The following DYTN variants were observed in gnomAD, a reference collection of about 807,000 sequenced individuals.
DYTN encodes dystrotelin.
In DYTN, 75 loss-of-function variants were observed where a neutral mutation model predicts 69.6. The ratio of observed to expected loss-of-function variants is 1.08; its 90% CI spans 0.89 to 1.31. DYTN has a LOEUF of 1.31. Among genes scored for constraint, DYTN ranks in the 50% most tolerant of loss-of-function variants. The pLI, the probability that DYTN is intolerant of heterozygous loss-of-function variation, is 0.00. For missense variants in DYTN, 726 were observed against 688.4 expected, an observed-to-expected ratio of 1.05 and a Z score of -0.61; for synonymous variants, 252 against 249.1, an observed-to-expected ratio of 1.01 and a Z score of -0.11.
intron 9 of DYTN, among the ~76,000 whole-genome samples, chr2:206,690,853 T>C (rs762471224): frequency 3.3e-5 from 5 of 152,148 alleles, no homozygotes; most frequent in Non-Finnish European, 4.4e-5. Flanking sequence ...CTTAGTCATA[T>C]GTGAGGCAGA....
chr2:206,652,028 C>G (rs184245912), intron 11 of DYTN, 107 bp from the exon 12 acceptor site: 1 of 1,041,752 alleles, frequency 9.6e-7, no homozygotes, highest in East Asian at 2.6e-5. Context: ...CATTTTTCTT[C>G]AGTTCTCAAG....
At chr2:206,655,896 G>A (rs1225879902) in intron 11 of DYTN, among the ~76,000 whole-genome samples, 1 of 152,136 alleles carries the variant, frequency 6.6e-6, no homozygotes, top group Non-Finnish European at 1.5e-5. Context: ...CTTGTTTTGT[G>A]CATTAACATA....
intron 2 of DYTN, among the ~76,000 whole-genome samples, chr2:206,708,790 C>A (rs1192508980): frequency 6.6e-6 from 1 of 152,164 alleles, no homozygotes; most frequent in Admixed American, 6.5e-5. Flanking sequence ...GTTTGGATAT[C>A]TTTTCTAGGT....
intron 9 of DYTN, among the ~76,000 whole-genome samples, chr2:206,690,055 T>C (rs1699848725): frequency 6.6e-6 from 1 of 151,790 alleles, no homozygotes. Context: ...TGTCAGAGGG[T>C]GATTAAGTGC....
At chr2:206,711,951 T>C (rs1214323526) in intron 1 of DYTN, among the ~76,000 whole-genome samples, 4 of 152,204 alleles carry the variant, frequency 2.6e-5, no homozygotes, top group Non-Finnish European at 5.9e-5. Flanking sequence ...TCTTCATATC[T>C]AGAAAAAATA....
rs1012924844 is a variant in DYTN, at chr2:206,707,317, G to A, written c.281C>T (p.Thr94Met). ...ACACCCTCACCTGTTGTACATTGTC[G>A]TGAGAAGGCTCAGAGTGAGTTCCGG... ...RAPELTLSLL[T>M]TMYNSKGTGF... Residue 94 changes from threonine (T) to methionine (M), a missense_variant, in exon 3 of 12, where the codon ACG becomes ATG. By Grantham distance (81) the Thr-to-Met change is moderately conservative (BLOSUM62 -1). Transcript: ENST00000452335. 2 of 1,611,918 alleles carry A rather than the reference G, an allele frequency of 1.2e-6. No homozygotes were observed. The highest frequency in any genetic ancestry group is 1.7e-6 in the Non-Finnish European group (2 of 1,179,226).
chr2:206,682,911 G>A (rs1699765990), intron 9 of DYTN, among the ~76,000 whole-genome samples: 1 of 152,008 alleles, frequency 6.6e-6, no homozygotes, highest in Admixed American at 6.6e-5. Flanking sequence ...TAGACACATA[G>A]ATCTAAGGAT....
At chr2:206,705,972 T>C (rs1229715516) in intron 3 of DYTN, 99 bp from the exon 4 acceptor site, 1 of 1,353,530 alleles carries the variant, frequency 7.4e-7, no homozygotes, top group Admixed American at 2.1e-5. Context: ...GCATTTCTGA[T>C]ATGGTGCTAT....
At chr2:206,705,259 G>A (rs1340999516) in intron 4 of DYTN, among the ~76,000 whole-genome samples, 1 of 152,154 alleles carries the variant, frequency 6.6e-6, no homozygotes, top group South Asian at 2.1e-4. Context: ...ACCACACCCG[G>A]CTAATTTTTT....
chr2:206,654,882 C>A (rs1326527365), intron 11 of DYTN, among the ~76,000 whole-genome samples: 4 of 152,170 alleles, frequency 2.6e-5, no homozygotes, highest in African/African-American at 9.7e-5. Flanking sequence ...CCACCCTTAA[C>A]CATGCTCTCG....
In DYTN at chr2:206,693,229, T is replaced by C. The variant is rs201676491; in HGVS notation, c.926A>G (p.Gln309Arg). Residue 309 changes from glutamine (Q) to arginine (R), a missense_variant, in exon 9 of 12, where the codon CAG (glutamine) becomes CGG (arginine). Gln to Arg is a conservative substitution (Grantham distance 43). Transcript: ENST00000452335. ...RCRKKEAARRQQLLDQVNPKG... is the reference protein window; with the variant it reads ...RCRKKEAARRRQLLDQVNPKG... Reference sequence around the variant, plus strand: ...TGGATTCACCTGGTCCAGCAGCTGCTGCCTTCTCGCTGCTTCTTTCTTCCT... The same window carrying C: ...TGGATTCACCTGGTCCAGCAGCTGCCGCCTTCTCGCTGCTTCTTTCTTCCT... 6.2e-7 allele frequency: 1 copy of C among 1,613,630 alleles called. No individual in the cohort carries two copies.
chr2:206,668,197 C>A (rs151004672), intron 9 of DYTN, among the ~76,000 whole-genome samples: 224 of 152,310 alleles, frequency 1.5e-3, no homozygotes, highest in Non-Finnish European at 2.3e-3. Flanking sequence ...CTTGTTATGA[C>A]CACTAACGAT....
At chr2:206,706,809 C>T (rs1225095298) in intron 3 of DYTN, among the ~76,000 whole-genome samples, 1 of 151,318 alleles carries the variant, frequency 6.6e-6, no homozygotes, top group Non-Finnish European at 1.5e-5. Flanking sequence ...GAACTATTGA[C>T]TTCAGAGCAT....
chr2:206,692,180 G>A lies in DYTN; in HGVS notation c.980+995C>T, dbSNP rs1347546588. Among the ~76,000 whole-genome samples the A allele has an allele frequency of 4.0e-5, 6 of 151,362 alleles. No homozygotes were observed. The East Asian group carries it at 9.7e-4, about 25-fold the overall frequency. ...CCTGGGAGGCTGAGGTGGGAGAATCGCTTAAGTCCCAAAATCCAAGGTTGC... is the reference window on the plus strand; with the variant it reads ...CCTGGGAGGCTGAGGTGGGAGAATCACTTAAGTCCCAAAATCCAAGGTTGC... On this transcript the variant is annotated intron_variant, in intron 9 of 11. Transcript: ENST00000452335.
chr2:206,706,516 G>A (rs1700028715), intron 3 of DYTN, among the ~76,000 whole-genome samples: 1 of 151,694 alleles, frequency 6.6e-6, no homozygotes, highest in South Asian at 2.1e-4. Flanking sequence ...AAAACTAGAA[G>A]AGAAAATAAC....
At chr2:206,689,728 C>A (rs1468534964) in intron 9 of DYTN, among the ~76,000 whole-genome samples, 2 of 152,204 alleles carry the variant, frequency 1.3e-5, no homozygotes, top group African/African-American at 4.8e-5. Context: ...AAGCTTCTGT[C>A]TCTGTTCCAG....
Position 206,707,333 on chromosome 2 carries a change from T to G in DYTN, c.265A>C (p.Thr89Pro). The change falls in exon 3 of 12, where the codon ACT becomes CCT. Residue 89 changes from threonine to proline, a missense_variant. Coordinates refer to ENST00000452335, the MANE Select transcript of DYTN (RefSeq NM_001093730.1). ...TACATTGTCGTGAGAAGGCTCAGAG[T>G]GAGTTCCGGAGCTCTGGGATGCACT... ...GQVHPRAPELTLSLLTTMYNS... is the reference protein window; with the variant it reads ...GQVHPRAPELPLSLLTTMYNS... 1 of 1,612,426 alleles carries G rather than the reference T, an allele frequency of 6.2e-7. No homozygotes were observed. Among genetic ancestry groups the G allele is most frequent in the Non-Finnish European group, 8.5e-7 (1 of 1,179,444 alleles).
chr2:206,662,901 A>G lies in DYTN; in HGVS notation c.1633+2T>C. Reference sequence around the variant, plus strand: ...GATGTCTATGGATTGTGAAAACCTTACCTGATGGCGTTTCTAGATTGAAGG... The same window carrying G: ...GATGTCTATGGATTGTGAAAACCTTGCCTGATGGCGTTTCTAGATTGAAGG... On this transcript the variant is annotated splice_donor_variant, in intron 11 of 11. Coordinates refer to ENST00000452335, the MANE Select transcript of DYTN (RefSeq NM_001093730.1). LOFTEE classifies it high-confidence loss of function. 6.2e-7 allele frequency: 1 copy of G among 1,610,112 alleles called. No individual in the cohort carries two copies. The highest frequency in any genetic ancestry group is 8.5e-7 in the Non-Finnish European group (1 of 1,178,428).
At chr2:206,657,078 CTTTTTGGTTTGTTTA>C (rs1699459110) in intron 11 of DYTN, among the ~76,000 whole-genome samples, 1 of 151,932 alleles carries the variant, frequency 6.6e-6, no homozygotes, top group Admixed American at 6.6e-5. Flanking sequence ...ATACACTTTT[CTTTTTGGTTTGTTTA>C]TTTTTATTTT....
Sources: allele counts gnomAD v4.1 joint callset (sites outside exome capture counted in the v4.1 genomes callset), GRCh38; gene constraint gnomAD v4.1.1; transcripts MANE v1.5; gene names NCBI Gene and HGNC (gene_info 2026-07-23, HGNC 2026-07-21).